SYT1: variants seen among roughly 807,000 people sequenced by gnomAD.
SYT1 encodes synaptotagmin 1, also known as synaptotagmin-1.
SYT1 carries 8 observed loss-of-function variants against 44.8 expected under a neutral mutation model. The ratio of observed to expected loss-of-function variants is 0.18; its 90% CI spans 0.10 to 0.32. The LOEUF (loss-of-function observed/expected upper bound fraction) is 0.32, where lower values mean the gene tolerates loss of function less well. Among genes scored for constraint, SYT1 ranks in the 10% least tolerant of loss-of-function variants. SYT1 has a pLI of 1.00. For missense variants in SYT1, 286 were observed against 509.3 expected (o/e 0.56, Z 4.22); for synonymous variants, 154 against 188.8 (o/e 0.82, Z 1.51).
At chr12:78,998,681 C>T (rs190072352) in intron 2 of SYT1, among the ~76,000 whole-genome samples, 1 of 152,284 alleles carries the variant, frequency 6.6e-6, no homozygotes, top group East Asian at 1.9e-4. Context: ...TGACTGTATT[C>T]TCTAGCTTTG....
intron 9 of SYT1, among the ~76,000 whole-genome samples, chr12:79,358,310 C>G (rs763960497): frequency 6.6e-6 from 1 of 152,106 alleles, no homozygotes; most frequent in Non-Finnish European, 1.5e-5. Flanking sequence ...TTGATCTATT[C>G]CGTAGAAATT....
At chr12:79,156,098 A>T (rs1437973548) in intron 3 of SYT1, among the ~76,000 whole-genome samples, 2 of 152,230 alleles carry the variant, frequency 1.3e-5, no homozygotes, top group African/African-American at 4.8e-5. Flanking sequence ...ATACGACTTC[A>T]TACTAAGAAC....
At chr12:79,253,237 C>T (rs967661958) in intron 4 of SYT1, among the ~76,000 whole-genome samples, 2 of 152,144 alleles carry the variant, frequency 1.3e-5, no homozygotes, top group Admixed American at 1.3e-4. Flanking sequence ...TTTAGTAAAT[C>T]TGTGTCAAGC....
intron 4 of SYT1, among the ~76,000 whole-genome samples, chr12:79,272,939 A>T (rs138476103): frequency 6.6e-6 from 1 of 152,178 alleles, no homozygotes; most frequent in African/African-American, 2.4e-5. Flanking sequence ...GCTATTCATT[A>T]TCTTTTGGAG....
intron 1 of SYT1, among the ~76,000 whole-genome samples, chr12:78,925,912 G>A (rs948562928): frequency 2.0e-5 from 3 of 151,880 alleles, no homozygotes; most frequent in African/African-American, 7.2e-5. Flanking sequence ...AATTAATCAC[G>A]AAACAAACTA....
intron 3 of SYT1, among the ~76,000 whole-genome samples, chr12:79,199,280 A>C (rs571985262): frequency 6.6e-6 from 1 of 152,236 alleles, no homozygotes; most frequent in East Asian, 1.9e-4. Context: ...CCTCTCTCTA[A>C]CACCCTCTGC....
At chr12:79,147,706 T>G (rs565477360) in intron 3 of SYT1, among the ~76,000 whole-genome samples, 11 of 152,268 alleles carry the variant, frequency 7.2e-5, no homozygotes, top group Admixed American at 1.3e-4. Flanking sequence ...ATATGTCAAC[T>G]GACACAAAGG....
In SYT1 at chr12:79,449,007, CG is replaced by C; in HGVS notation, c.1154del (p.Gly385AlafsTer26). ...AAGTCTTTGTGGGCTACAACAGCACCGGCGCGGAGCTGCGACACTGGTCAGA... is the reference window on the plus strand; with the variant it reads ...AAGTCTTTGTGGGCTACAACAGCACCGCGCGGAGCTGCGACACTGGTCAGA... ...GKVFVGYNST[G>X]AELRHWSDML... On this transcript the variant is annotated frameshift_variant, in exon 11 of 11. Transcript: ENST00000261205. LOFTEE classifies it high-confidence loss of function. 1 of 1,614,206 alleles carries C rather than the reference CG, an allele frequency of 6.2e-7. No homozygotes were observed.
chr12:78,911,694 A>G (rs1038736272), intron 1 of SYT1, among the ~76,000 whole-genome samples: 1 of 151,928 alleles, frequency 6.6e-6, no homozygotes, highest in African/African-American at 2.4e-5. Flanking sequence ...AGTCAACACA[A>G]TGGTGTGGGG....
chr12:79,397,425 C>T lies in SYT1; in HGVS notation c.928+43806C>T, dbSNP rs73354791. On this transcript the variant is annotated intron_variant, in intron 9 of 10. Transcript: ENST00000261205. Reference sequence around the variant, plus strand: ...TATTTTTCTGTAGAGAGGGGAGTCTCCCTATGTTGCCCAGGCTGGTCTCGA... The same window carrying T: ...TATTTTTCTGTAGAGAGGGGAGTCTTCCTATGTTGCCCAGGCTGGTCTCGA... Among the ~76,000 whole-genome samples, 962 of 152,182 alleles carry T rather than the reference C, an allele frequency of 6.3e-3. 9 individuals carry two copies. Among genetic ancestry groups the T allele is most frequent in the African/African-American group, 0.022 (918 of 41,510 alleles).
chr12:79,131,305 A>G (rs1339703732), intron 3 of SYT1, among the ~76,000 whole-genome samples: 1 of 152,100 alleles, frequency 6.6e-6, no homozygotes, highest in Non-Finnish European at 1.5e-5. Context: ...TGGCCCTATA[A>G]GGTCTAACTC....
chr12:79,157,980 G>A (rs1007906201), intron 3 of SYT1, among the ~76,000 whole-genome samples: 1 of 152,080 alleles, frequency 6.6e-6, no homozygotes, highest in Non-Finnish European at 1.5e-5. Context: ...TGGTATAAAG[G>A]AGCAGTCCCC....
At chr12:78,963,171 G>A (rs528630127) in intron 1 of SYT1, among the ~76,000 whole-genome samples, 26 of 151,418 alleles carry the variant, frequency 1.7e-4, no homozygotes, top group Non-Finnish European at 3.5e-4. Flanking sequence ...ATATTCAATC[G>A]CATATATATA....
intron 3 of SYT1, among the ~76,000 whole-genome samples, chr12:79,073,116 A>T (rs950164754): frequency 6.6e-6 from 1 of 151,874 alleles, no homozygotes; most frequent in Middle Eastern, 3.4e-3. Flanking sequence ...TCTTTTTTTT[A>T]AAAAAAGACA....
intron 1 of SYT1, among the ~76,000 whole-genome samples, chr12:78,925,648 T>C (rs1877262586): frequency 6.6e-6 from 1 of 151,936 alleles, no homozygotes; most frequent in Non-Finnish European, 1.5e-5. Flanking sequence ...ATAGAGCAGT[T>C]TTGAAGAGTA....
At chr12:79,440,006 A>G (rs910362968) in intron 9 of SYT1, among the ~76,000 whole-genome samples, 4 of 152,118 alleles carry the variant, frequency 2.6e-5, no homozygotes, top group Non-Finnish European at 1.5e-5. Flanking sequence ...CAGGTGGATC[A>G]CCTGAGGTCA....
At chr12:79,051,836 G>C (rs575989127) in intron 3 of SYT1, among the ~76,000 whole-genome samples, 36 of 152,168 alleles carry the variant, frequency 2.4e-4, no homozygotes, top group African/African-American at 8.7e-4. Flanking sequence ...TCAGATAGCT[G>C]TAGATATGCG....
chr12:79,202,675 T>C (rs1873858009), intron 3 of SYT1, among the ~76,000 whole-genome samples: 1 of 152,176 alleles, frequency 6.6e-6, no homozygotes, highest in Non-Finnish European at 1.5e-5. Context: ...TGTAGAGTAC[T>C]CCTAGTAGAT....
intron 1 of SYT1, among the ~76,000 whole-genome samples, chr12:78,950,600 A>G (rs1273680041): frequency 1.3e-5 from 2 of 152,172 alleles, no homozygotes; most frequent in African/African-American, 2.4e-5. Context: ...TTGTTGAAAG[A>G]CACATACATA....
Sources: allele counts gnomAD v4.1 joint callset (sites outside exome capture counted in the v4.1 genomes callset), GRCh38; gene constraint gnomAD v4.1.1; transcripts MANE v1.5; gene names NCBI Gene and HGNC (gene_info 2026-07-23, HGNC 2026-07-21).